CPT1A: variants seen among roughly 807,000 people sequenced by gnomAD.
CPT1A encodes the protein carnitine palmitoyltransferase 1A.
Under a neutral mutation model 100.8 loss-of-function variants are expected in CPT1A, and 64 were observed. That is an observed-to-expected ratio of 0.63 (90% CI 0.52 to 0.78). The LOEUF (loss-of-function observed/expected upper bound fraction) is 0.78, where lower values mean the gene tolerates loss of function less well. CPT1A is among the 30% of genes least tolerant of loss of function. The pLI is 0.00. For missense variants in CPT1A, 802 were observed against 1,034.1 expected (o/e 0.78, Z 3.08); for synonymous variants, 363 against 396.0 (o/e 0.92, Z 0.99).
intron 9 of CPT1A, among the ~76,000 whole-genome samples, chr11:68,790,053 A>C (rs1403655610): frequency 6.6e-6 from 1 of 151,878 alleles, no homozygotes; most frequent in East Asian, 1.9e-4. Context: ...CTTATTTCTT[A>C]ATCGGAAGTA....
chr11:68,773,168 G>C (rs1855039558), intron 14 of CPT1A, 97 bp downstream of exon 14: 1 of 1,581,332 alleles, frequency 6.3e-7, no homozygotes, highest in Non-Finnish European at 8.6e-7. Flanking sequence ...TCCTATGCCG[G>C]GTTTCGGGCC....
intron 4 of CPT1A, among the ~76,000 whole-genome samples, chr11:68,806,169 C>G (rs970963782): frequency 2.6e-4 from 39 of 152,200 alleles, no homozygotes; most frequent in Admixed American, 2.5e-3. Flanking sequence ...GCATGCACCA[C>G]CACGCCTGGC....
rs1555235324 is a variant in CPT1A at position 68,838,579 on chromosome 11, A to AAAAAAAAAAAAAAAC, written c.-14+3195_-14+3196insGTTTTTTTTTTTTTT. Among the ~76,000 whole-genome samples, 97 of 144,446 alleles carry AAAAAAAAAAAAAAAC rather than the reference A, an allele frequency of 6.7e-4. 4 individuals are homozygous for AAAAAAAAAAAAAAAC. In the South Asian group the frequency reaches 0.013, roughly 20 times the overall value. 94.8% of individuals were successfully genotyped at this position (144,446 alleles called of 152,430 possible). A position where few individuals can be genotyped will look rare whatever the true frequency, so the allele number is the denominator to read the frequency against. On this transcript the variant is annotated intron_variant, in intron 1 of 18. Coordinates refer to ENST00000265641, the MANE Select transcript of CPT1A (RefSeq NM_001876.4). The stretch of plus-strand genomic sequence containing the variant: ...TCTGTATCTGCACCTTTTTAAAAAA[A>AAAAAAAAAAAAAAAC]AAAAAAAAAAAACAGAGACAGGGTC...
intron 14 of CPT1A, among the ~76,000 whole-genome samples, chr11:68,768,323 C>T (rs1594322560): frequency 6.6e-6 from 1 of 151,624 alleles, no homozygotes; most frequent in East Asian, 1.9e-4. Flanking sequence ...GATCCGCCCA[C>T]CTCAGCCTCC....
chr11:68,757,720 C>T lies in CPT1A; in HGVS notation c.2246G>A (p.Arg749His), dbSNP rs777689947. 4.3e-6 allele frequency: 7 copies of T among 1,613,722 alleles called. No homozygotes were observed. The highest frequency in any genetic ancestry group is 4.5e-5 in the East Asian group (2 of 44,890). The part of the protein sequence containing the change: ...KFSCPETDSH[R>H]FGRHLKEAMT... ...TGCTTCTTTCAGGTGCCTTCCAAAG[C>T]GATGAGAATCCTTTCATGTAAAAAC... The change falls in exon 19 of 19, where the codon CGC becomes CAC. Residue 749 changes from arginine to histidine, a missense_variant. Around this residue, in one of 4 missense-constraint regions of CPT1A, gnomAD observed 627 missense variants for 799.3 expected, o/e 0.78. Transcript: ENST00000265641.
intron 9 of CPT1A, among the ~76,000 whole-genome samples, chr11:68,790,421 T>C (rs1855582042): frequency 6.6e-6 from 1 of 152,162 alleles, no homozygotes; most frequent in Admixed American, 6.5e-5. Context: ...GAGGTCATAC[T>C]GGACTAGGGT....
chr11:68,758,703 C>T (rs1469086972), intron 18 of CPT1A, among the ~76,000 whole-genome samples: 1 of 151,650 alleles, frequency 6.6e-6, no homozygotes. Context: ...ACTACAACCT[C>T]CACCTCCCGG....
At chr11:68,839,439 C>T (rs979791732) in intron 1 of CPT1A, 2 of 898,472 alleles carry the variant, frequency 2.2e-6, no homozygotes, top group African/African-American at 1.8e-5. Flanking sequence ...CAGGCTGGCG[C>T]GTCCCAGGCG....
At chr11:68,813,529 CAAAAAAAAAAA>C (rs10590789) in intron 2 of CPT1A, among the ~76,000 whole-genome samples, 1 of 81,526 alleles carries the variant, frequency 1.2e-5, no homozygotes, top group Non-Finnish European at 2.4e-5. Flanking sequence ...AGGCTCTGTC[CAAAAAAAAAAA>C]AAAAAAAAAA....
chr11:68,822,531 T>TA (rs879854169), intron 1 of CPT1A, among the ~76,000 whole-genome samples: 126 of 142,550 alleles, frequency 8.8e-4, no homozygotes, highest in African/African-American at 1.7e-3. Flanking sequence ...GATCCTGTCT[T>TA]AAAAAAAAAA....
intron 15 of CPT1A, among the ~76,000 whole-genome samples, chr11:68,762,279 A>G (rs1157504891): frequency 6.6e-6 from 1 of 152,210 alleles, no homozygotes; most frequent in African/African-American, 2.4e-5. Context: ...CGACAGTCAC[A>G]GCTCACCTAC....
intron 14 of CPT1A, among the ~76,000 whole-genome samples, chr11:68,767,575 A>G (rs562614980): frequency 5.3e-5 from 8 of 152,320 alleles, no homozygotes; most frequent in African/African-American, 1.9e-4. Flanking sequence ...GGGCAAGAGT[A>G]AGACCCTGTC....
chr11:68,772,709 A>G (rs923093295), intron 14 of CPT1A, among the ~76,000 whole-genome samples: 1 of 152,158 alleles, frequency 6.6e-6, no homozygotes, highest in Non-Finnish European at 1.5e-5. Flanking sequence ...CCACTGTATG[A>G]AAATACCAAA....
intron 15 of CPT1A, among the ~76,000 whole-genome samples, chr11:68,762,043 C>G (rs1854642981): frequency 6.6e-6 from 1 of 152,210 alleles, no homozygotes; most frequent in Admixed American, 6.5e-5. Context: ...GTCAGGCGGA[C>G]CCAGTGGCCT....
In CPT1A at chr11:68,770,979, G is replaced by A. The variant is rs551814596; in HGVS notation, c.1740+2286C>T. 9.8e-5 allele frequency among the ~76,000 whole-genome samples: 15 copies of A among 152,352 alleles called. No individual in the cohort carries two copies. In the East Asian group the frequency reaches 2.7e-3, roughly 27 times the overall value. On this transcript the variant is annotated intron_variant, in intron 14 of 18. Coordinates refer to ENST00000265641, the MANE Select transcript of CPT1A (RefSeq NM_001876.4). ...GTGTGGAGGGCAGAGATGAAGAGAT[G>A]CCTTCCTCGGGGCCGTCCTGAAGTT...
chr11:68,772,653 G>C (rs2060979), intron 14 of CPT1A, among the ~76,000 whole-genome samples: 1 of 152,046 alleles, frequency 6.6e-6, no homozygotes, highest in African/African-American at 2.4e-5. Flanking sequence ...GGCCAGAGAC[G>C]TTAAGTAATT....
At position 68,761,649 on chromosome 11, in the gene CPT1A, C is replaced by T. The variant is rs1428785007; in HGVS notation, c.1914G>A (p.Glu638=). Reference sequence around the variant, plus strand: ...CGAGGCGATACATATGCTGATGCTTCTCAGACGCCAACTTGAACAACTTCA... The same window carrying T: ...CGAGGCGATACATATGCTGATGCTTTTCAGACGCCAACTTGAACAACTTCA... ...QRLKLFKLAS[E]KHQHMYRLAM... Residue 638 remains glutamate (E), a synonymous_variant, in exon 16 of 19, where the codon GAG becomes GAA. Coordinates refer to ENST00000265641, the MANE Select transcript of CPT1A (RefSeq NM_001876.4). 1 of 1,614,200 alleles carries T rather than the reference C, an allele frequency of 6.2e-7. No individual in the cohort carries two copies. The highest frequency in any genetic ancestry group is 8.5e-7 in the Non-Finnish European group (1 of 1,180,034).
intron 12 of CPT1A, 148 bp from the exon 13 acceptor site, chr11:68,775,580 G>A (rs1257618344): frequency 3.0e-6 from 2 of 670,884 alleles, no homozygotes; most frequent in Non-Finnish European, 5.4e-6. Flanking sequence ...AGCACCTAAT[G>A]AGGTGGATCT....
chr11:68,770,513 T>C (rs146631539), intron 14 of CPT1A, among the ~76,000 whole-genome samples: 166 of 152,334 alleles, frequency 1.1e-3, no homozygotes, highest in Non-Finnish European at 1.7e-3. Context: ...TAGCTAGCTA[T>C]TAATACACGA....
Sources: gnomAD v4.1 joint callset for allele counts (sites outside exome capture counted in the v4.1 genomes callset) on GRCh38, gnomAD v4.1.1 for gene constraint, gnomAD v4.1.1 regional missense constraint, MANE v1.5 for transcripts, NCBI Gene and HGNC (gene_info 2026-07-23, HGNC 2026-07-21) for gene names.